The following CDH12 variants were observed in gnomAD, a reference collection of about 807,000 sequenced individuals.
CDH12 encodes the protein cadherin-12.
Under a neutral mutation model 74.1 loss-of-function variants are expected in CDH12, and 41 were observed. That is an observed-to-expected ratio of 0.55 (90% CI 0.43 to 0.72). The LOEUF is 0.72. Ranked by LOEUF, CDH12 falls within the 30% of genes least tolerant of loss-of-function variation. CDH12 has a pLI of 0.00. For missense variants in CDH12, 945 were observed against 977.2 expected, an observed-to-expected ratio of 0.97 and a Z score of 0.44; for synonymous variants, 399 against 355.0, an observed-to-expected ratio of 1.12 and a Z score of -1.39.
At position 22,124,135 on chromosome 5, in the gene CDH12, T is replaced by G. The variant is rs185292418; in HGVS notation, c.-186-45273A>C. On this transcript the variant is annotated intron_variant, in intron 4 of 14. Coordinates refer to ENST00000382254, the MANE Select transcript of CDH12 (RefSeq NM_004061.5). ...GCGCGCGCCAACACTCCCTGCTGAT[T>G]ATTATTATTATTATTATTTTATTTT... Among the ~76,000 whole-genome samples, 611 of 151,018 alleles carry G rather than the reference T, an allele frequency of 4.0e-3. 13 individuals are homozygous for G. The highest frequency in any genetic ancestry group is 0.014 in the African/African-American group (575 of 41,246).
chr5:22,153,183 C>T (rs796121823), intron 4 of CDH12, among the ~76,000 whole-genome samples: 8 of 138,470 alleles, frequency 5.8e-5, no homozygotes, highest in Middle Eastern at 3.8e-3. Flanking sequence ...TTTTTCTTTT[C>T]TTTTTTTTTT....
At chr5:22,555,960 T>C (rs141182210) in intron 1 of CDH12, among the ~76,000 whole-genome samples, 1 of 152,088 alleles carries the variant, frequency 6.6e-6, no homozygotes, top group East Asian at 1.9e-4. Flanking sequence ...AAACAATTGC[T>C]ATAGGTCAAA....
chr5:21,915,295 T>TA (rs1368815943), intron 6 of CDH12, among the ~76,000 whole-genome samples: 11 of 152,240 alleles, frequency 7.2e-5, no homozygotes, highest in East Asian at 1.9e-4. Flanking sequence ...GAATAACAAC[T>TA]AATGGTTTTT....
At chr5:22,245,934 C>G (rs545423236) in intron 3 of CDH12, among the ~76,000 whole-genome samples, 1 of 152,202 alleles carries the variant, frequency 6.6e-6, no homozygotes, top group South Asian at 2.1e-4. Context: ...ACCTAGAACA[C>G]TCATGATGAA....
chr5:22,407,680 A>G (rs1046169206), intron 2 of CDH12, among the ~76,000 whole-genome samples: 8 of 152,124 alleles, frequency 5.3e-5, no homozygotes, highest in African/African-American at 1.9e-4. Flanking sequence ...AGGAGGAGTT[A>G]AACTGTTTGC....
At chr5:22,115,552 T>C (rs958584891) in intron 4 of CDH12, among the ~76,000 whole-genome samples, 29 of 152,346 alleles carry the variant, frequency 1.9e-4, no homozygotes, top group African/African-American at 6.3e-4. Flanking sequence ...TATAGTATTA[T>C]GTGATGCATG....
chr5:21,755,883 C>T, intron 13 of CDH12, 41 bp from the exon 14 acceptor site: 2 of 1,596,720 alleles, frequency 1.3e-6, no homozygotes, highest in African/African-American at 1.3e-5. Context: ...TTACTATAAG[C>T]TTCACTTCAA....
intron 6 of CDH12, among the ~76,000 whole-genome samples, chr5:21,900,881 A>C (rs868320325): frequency 1.3e-5 from 2 of 152,202 alleles, no homozygotes; most frequent in Non-Finnish European, 2.9e-5. Flanking sequence ...AAGATGATAA[A>C]TCCTTGAGAA....
chr5:22,668,893 CTT>C (rs1467780789), intron 1 of CDH12, among the ~76,000 whole-genome samples: 3 of 151,960 alleles, frequency 2.0e-5, no homozygotes, highest in Non-Finnish European at 4.4e-5. Context: ...ACTCCTCTCT[CTT>C]TATCTCTCTT....
chr5:22,229,916 G>A (rs546133793), intron 3 of CDH12, among the ~76,000 whole-genome samples: 1 of 151,822 alleles, frequency 6.6e-6, no homozygotes, highest in Non-Finnish European at 1.5e-5. Flanking sequence ...ATGTAATAAA[G>A]TACTTGTTAC....
At chr5:22,284,783 C>T (rs1737061600) in intron 3 of CDH12, among the ~76,000 whole-genome samples, 2 of 151,876 alleles carry the variant, frequency 1.3e-5, no homozygotes, top group African/African-American at 2.4e-5. Flanking sequence ...CCTGCCACAA[C>T]TTAGCCACAT....
chr5:22,217,670 T>C (rs765748470), intron 3 of CDH12, among the ~76,000 whole-genome samples: 2 of 151,750 alleles, frequency 1.3e-5, no homozygotes, highest in Admixed American at 6.6e-5. Flanking sequence ...CACTAAAAGA[T>C]ACTAAAAATT....
chr5:22,039,574 C>G (rs1217149104), intron 5 of CDH12, among the ~76,000 whole-genome samples: 1 of 152,172 alleles, frequency 6.6e-6, no homozygotes, highest in Non-Finnish European at 1.5e-5. Context: ...ATCAGCTCTA[C>G]TAAATATTCC....
intron 1 of CDH12, among the ~76,000 whole-genome samples, chr5:22,803,069 T>A (rs1748618305): frequency 6.6e-6 from 1 of 152,118 alleles, no homozygotes; most frequent in Admixed American, 6.5e-5. Flanking sequence ...ACATCAACTT[T>A]CCCACTTACC....
intron 3 of CDH12, among the ~76,000 whole-genome samples, chr5:22,280,122 G>T (rs1405379317): frequency 2.0e-5 from 3 of 152,146 alleles, no homozygotes; most frequent in Non-Finnish European, 2.9e-5. Context: ...TTTCTCTGAT[G>T]TCCAGTAATG....
chr5:21,855,326 T>C (rs577090042), intron 6 of CDH12, among the ~76,000 whole-genome samples: 4 of 151,692 alleles, frequency 2.6e-5, no homozygotes, highest in South Asian at 4.1e-4. Context: ...TAAGAGCACT[T>C]CTTTGCCTCA....
At chr5:22,508,547 C>T in intron 1 of CDH12, among the ~76,000 whole-genome samples, 1 of 152,226 alleles carries the variant, frequency 6.6e-6, no homozygotes, top group East Asian at 1.9e-4. Flanking sequence ...AAAAGTCTAG[C>T]ACCTTTTAAA....
intron 4 of CDH12, among the ~76,000 whole-genome samples, chr5:22,160,568 T>C (rs550332892): frequency 7.6e-4 from 116 of 152,290 alleles, no homozygotes; most frequent in African/African-American, 2.7e-3. Flanking sequence ...ATAACTAAAA[T>C]AGCATATACT....
intron 6 of CDH12, among the ~76,000 whole-genome samples, chr5:21,931,551 A>G (rs1037104361): frequency 2.6e-5 from 4 of 152,212 alleles, no homozygotes; most frequent in African/African-American, 9.6e-5. Flanking sequence ...TGTTTTTTCA[A>G]TGCATAATAA....
Sources: gnomAD v4.1 joint callset for allele counts (sites outside exome capture counted in the v4.1 genomes callset) on GRCh38, gnomAD v4.1.1 for gene constraint, MANE v1.5 for transcripts, NCBI Gene and HGNC (gene_info 2026-07-23, HGNC 2026-07-21) for gene names.